DNAJC3: variants seen among roughly 807,000 people sequenced by gnomAD.
DNAJC3 encodes DnaJ heat shock protein family (Hsp40) member C3.
A neutral mutation model predicts 68.6 loss-of-function variants in DNAJC3; 38 were observed. That is an observed-to-expected ratio of 0.55 (90% confidence interval 0.43 to 0.73). The LOEUF is 0.73. DNAJC3 is among the 30% of genes least tolerant of loss of function. The pLI, the probability that DNAJC3 is intolerant of heterozygous loss-of-function variation, is 0.00. For synonymous variants in DNAJC3, 203 were observed against 204.0 expected (o/e 1.00, Z 0.04); for missense variants, 526 against 591.9 (o/e 0.89, Z 1.16).
intron 2 of DNAJC3, among the ~76,000 whole-genome samples, chr13:95,711,218 G>T (rs1196510652): frequency 6.6e-6 from 1 of 152,124 alleles, no homozygotes; most frequent in African/African-American, 2.4e-5. Flanking sequence ...TCTATTCAAG[G>T]CTGGGCATGG....
At position 95,794,364 on chromosome 13, in the gene DNAJC3, T is replaced by TACAG. The variant is rs1883896714; in HGVS notation, c.*3338_*3341dup. ...ACATAAAATGGCTCCCTGGTGAGGT[T>TACAG]ACAGACACGGCCCTGGTGATGGGCG... On this transcript the variant is annotated 3_prime_UTR_variant, in exon 12 of 12. Transcript: ENST00000602402. 6.6e-6 allele frequency: 1 copy of TACAG among 152,214 alleles called. No individual in the cohort carries two copies. 9.4% of individuals were successfully genotyped at this position (152,214 alleles called of 1,614,324 possible).
chr13:95,681,384 C>T (rs1879906166), intron 1 of DNAJC3, among the ~76,000 whole-genome samples: 1 of 151,980 alleles, frequency 6.6e-6, no homozygotes, highest in African/African-American at 2.4e-5. Context: ...AAGGTCTTGC[C>T]CTGTCACCCA....
At chr13:95,680,023 C>T (rs1030327855) in intron 1 of DNAJC3, among the ~76,000 whole-genome samples, 1 of 152,154 alleles carries the variant, frequency 6.6e-6, no homozygotes, top group Non-Finnish European at 1.5e-5. Context: ...TCTTTTGGCA[C>T]CCTCCCTTCT....
intron 4 of DNAJC3, among the ~76,000 whole-genome samples, chr13:95,752,657 T>C (rs946778292): frequency 6.6e-6 from 1 of 152,188 alleles, no homozygotes; most frequent in South Asian, 2.1e-4. Flanking sequence ...CTTACAGCAC[T>C]CTCTGTTATA....
chr13:95,679,631 T>G (rs1420289554), intron 1 of DNAJC3, among the ~76,000 whole-genome samples: 1 of 152,124 alleles, frequency 6.6e-6, no homozygotes, highest in African/African-American at 2.4e-5. Flanking sequence ...TTAATAAAAT[T>G]GTGTTGTATT....
intron 4 of DNAJC3, among the ~76,000 whole-genome samples, chr13:95,738,574 G>T (rs959993387): frequency 1.3e-5 from 2 of 152,116 alleles, no homozygotes; most frequent in Non-Finnish European, 2.9e-5. Flanking sequence ...TTACCATTAT[G>T]TCATGGCCTT....
chr13:95,686,122 C>G (rs552196038), intron 1 of DNAJC3, among the ~76,000 whole-genome samples: 2 of 152,058 alleles, frequency 1.3e-5, no homozygotes. Flanking sequence ...CCACCATGCC[C>G]GGCTAATTTT....
chr13:95,712,840 G>T (rs1381732421), intron 2 of DNAJC3, among the ~76,000 whole-genome samples: 1 of 152,132 alleles, frequency 6.6e-6, no homozygotes, highest in Non-Finnish European at 1.5e-5. Context: ...AGGACCCAGT[G>T]GGAAGTAATT....
intron 9 of DNAJC3, among the ~76,000 whole-genome samples, chr13:95,769,427 A>G (rs1434087647): frequency 6.6e-6 from 1 of 152,194 alleles, no homozygotes; most frequent in East Asian, 1.9e-4. Context: ...TGTATTTAAG[A>G]TCCTAACTAA....
rs894569766 is a variant in DNAJC3 at position 95,770,923 on chromosome 13, C to T, written c.1075+6970C>T. On this transcript the variant is annotated intron_variant, in intron 9 of 11. Coordinates refer to ENST00000602402, the MANE Select transcript of DNAJC3 (RefSeq NM_006260.5). ...TTCATTGTTTATATTATGACAGTCT[C>T]ACAGCAGGTAAACCCTCCCCCCAAC... Among the ~76,000 whole-genome samples, 14 of 152,244 alleles carry T rather than the reference C, an allele frequency of 9.2e-5. 2 individuals are homozygous for T. The highest frequency in any genetic ancestry group is 3.4e-4 in the African/African-American group (14 of 41,530).
chr13:95,733,554 C>T (rs953488102), intron 4 of DNAJC3, among the ~76,000 whole-genome samples: 7 of 152,000 alleles, frequency 4.6e-5, no homozygotes, highest in African/African-American at 1.7e-4. Context: ...ACCACATCAC[C>T]ACATCCAGCT....
intron 4 of DNAJC3, among the ~76,000 whole-genome samples, chr13:95,730,523 T>C (rs1881677579): frequency 6.6e-6 from 1 of 152,212 alleles, no homozygotes. Flanking sequence ...ATCTGCTGCA[T>C]ATAGATATCC....
chr13:95,738,978 T>C (rs1175839766), intron 4 of DNAJC3, among the ~76,000 whole-genome samples: 1 of 152,210 alleles, frequency 6.6e-6, no homozygotes, highest in Non-Finnish European at 1.5e-5. Flanking sequence ...TTCCTTTCCA[T>C]GTTTAGTGCT....
intron 4 of DNAJC3, among the ~76,000 whole-genome samples, chr13:95,743,706 C>G (rs776409246): frequency 6.6e-6 from 1 of 152,046 alleles, no homozygotes. Flanking sequence ...CATAGGTGCC[C>G]GCTACCACAC....
intron 1 of DNAJC3, among the ~76,000 whole-genome samples, chr13:95,696,677 C>G (rs1023231555): frequency 6.6e-6 from 1 of 152,056 alleles, no homozygotes; most frequent in African/African-American, 2.4e-5. Flanking sequence ...TTTTGTTACC[C>G]CTTTACTTTG....
chr13:95,726,637 G>A (rs950083641), intron 4 of DNAJC3, among the ~76,000 whole-genome samples: 7 of 152,068 alleles, frequency 4.6e-5, no homozygotes, highest in African/African-American at 1.7e-4. Context: ...GTCATTGAAG[G>A]GGGTATATAC....
chr13:95,757,815 G>A lies in DNAJC3; in HGVS notation c.546+19G>A. The stretch of plus-strand genomic sequence containing the variant: ...TTTAGAGGTAAGTTTCTTAGATACT[G>A]CAGTTGACCAGCCTGACACTTATTG... On this transcript the variant is annotated intron_variant, in intron 5 of 11. Coordinates refer to ENST00000602402, the MANE Select transcript of DNAJC3 (RefSeq NM_006260.5). 2 of 1,525,856 alleles carry A rather than the reference G, an allele frequency of 1.3e-6. No homozygotes were observed. Among genetic ancestry groups the A allele is most frequent in the South Asian group, 1.3e-5 (1 of 79,842 alleles). 94.5% of individuals were successfully genotyped at this position (1,525,856 alleles called of 1,614,324 possible). A position where few individuals can be genotyped will look rare whatever the true frequency, so the allele number is the denominator to read the frequency against.
intron 4 of DNAJC3, chr13:95,744,903 A>G (rs1283710477): frequency 6.6e-6 from 1 of 152,178 alleles, no homozygotes; most frequent in East Asian, 1.9e-4. Flanking sequence ...ATCAAGACGT[A>G]TTTTACAGCG....
At chr13:95,733,908 TTCAG>T (rs1191910863) in intron 4 of DNAJC3, among the ~76,000 whole-genome samples, 1 of 152,120 alleles carries the variant, frequency 6.6e-6, no homozygotes, top group Non-Finnish European at 1.5e-5. Flanking sequence ...TAAAAATCCA[TTCAG>T]TCAGTCCTTT....
Sources: gnomAD v4.1 joint callset for allele counts (sites outside exome capture counted in the v4.1 genomes callset) on GRCh38, gnomAD v4.1.1 for gene constraint, MANE v1.5 for transcripts, NCBI Gene and HGNC (gene_info 2026-07-23, HGNC 2026-07-21) for gene names.